DESI1: variants seen among roughly 807,000 people sequenced by gnomAD.
The protein encoded by DESI1 is PPPDE peptidase domain containing 2.
Under a neutral mutation model 22.4 loss-of-function variants are expected in DESI1, and 17 were observed. That is an observed-to-expected ratio of 0.76 (90% confidence interval 0.52 to 1.14). DESI1 has a LOEUF of 1.14. DESI1 is among the 50% of genes most tolerant of loss of function. The pLI is 0.00. For synonymous variants in DESI1, 92 were observed against 84.2 expected, an observed-to-expected ratio of 1.09 and a Z score of -0.51; for missense variants, 177 against 208.9, an observed-to-expected ratio of 0.85 and a Z score of 0.94.
intron 5 of DESI1, chr22:41,602,990 T>C: frequency 1.7e-6 from 1 of 586,080 alleles, no homozygotes; most frequent in Non-Finnish European, 2.7e-6. Context: ...GCCAGAATTT[T>C]GTGCAAGTAC....
At chr22:41,620,625 G>A (rs1226321296) in intron 1 of DESI1, 127 bp downstream of exon 1, 2 of 917,242 alleles carry the variant, frequency 2.2e-6, no homozygotes, top group African/African-American at 3.4e-5. Flanking sequence ...TCTCCACTCG[G>A]CTTTTCTTCC....
chr22:41,604,569 A>T (rs1427726478), intron 3 of DESI1, among the ~76,000 whole-genome samples: 1 of 151,986 alleles, frequency 6.6e-6, no homozygotes, highest in Admixed American at 6.6e-5. Context: ...TAACTTGCAG[A>T]GCACCCTGGG....
chr22:41,610,639 G>A (rs2067511234), intron 1 of DESI1, among the ~76,000 whole-genome samples: 1 of 151,954 alleles, frequency 6.6e-6, no homozygotes, highest in Non-Finnish European at 1.5e-5. Flanking sequence ...CAAGTGGGCC[G>A]GGCGTGGTGG....
chr22:41,619,745 G>C (rs1284253026), intron 1 of DESI1, among the ~76,000 whole-genome samples: 1 of 152,170 alleles, frequency 6.6e-6, no homozygotes, highest in Admixed American at 6.6e-5. Flanking sequence ...CTCAAAAGTA[G>C]CCTCCCTTAC....
At chr22:41,607,910 C>T (rs1454361684) in intron 1 of DESI1, 49 bp from the exon 2 acceptor site, 2 of 1,608,096 alleles carry the variant, frequency 1.2e-6, no homozygotes, top group Middle Eastern at 1.7e-4. Context: ...AATAAGTGGC[C>T]CCTCAGCCTT....
At chr22:41,611,591 C>CTTTTTTTTTTTTT (rs132764) in intron 1 of DESI1, among the ~76,000 whole-genome samples, 1 of 103,902 alleles carries the variant, frequency 9.6e-6, no homozygotes, top group African/African-American at 3.7e-5. Context: ...CCTGTTCCTT[C>CTTTTTTTTTTTTT]TTTTTTTTTT....
intron 1 of DESI1, among the ~76,000 whole-genome samples, chr22:41,608,766 C>G (rs1219652613): frequency 6.6e-6 from 1 of 151,998 alleles, no homozygotes; most frequent in East Asian, 1.9e-4. Context: ...GAGAGCAGAC[C>G]AAGCAGACCA....
rs1212741693 is a variant in DESI1 at position 41,599,323 on chromosome 22, G to A, written c.*1774C>T. 1.3e-5 allele frequency: 2 copies of A among 152,118 alleles called. No individual in the cohort carries two copies. The highest frequency in any genetic ancestry group is 2.9e-5 in the Non-Finnish European group (2 of 68,024). 9.4% of individuals were successfully genotyped at this position (152,118 alleles called of 1,614,324 possible). On this transcript the variant is annotated 3_prime_UTR_variant, in exon 6 of 6. Coordinates refer to ENST00000263256, the MANE Select transcript of DESI1 (RefSeq NM_015704.3). ...TCACTTTCCCAAAATCTAACTAATG[G>A]AGGTTCATGTGAAGAGAGGGAATCT...
chr22:41,606,526 C>T (rs967372900), intron 3 of DESI1, among the ~76,000 whole-genome samples: 2 of 152,046 alleles, frequency 1.3e-5, no homozygotes, highest in African/African-American at 2.4e-5. Flanking sequence ...GTAATCCCAG[C>T]ACTTTGGGAG....
chr22:41,602,087 G>T, intron 5 of DESI1: 2 of 524,126 alleles, frequency 3.8e-6, no homozygotes, highest in African/African-American at 2.1e-5. Flanking sequence ...ACTGGAGTTT[G>T]GAGATTTTCC....
At chr22:41,607,396 T>C (rs1015716189) in intron 2 of DESI1, 65 bp from the exon 3 acceptor site, 9 of 1,475,954 alleles carry the variant, frequency 6.1e-6, no homozygotes, top group South Asian at 3.8e-5. Flanking sequence ...GCAAACACCA[T>C]AATGCAATGA....
chr22:41,600,314 A>G lies in DESI1; in HGVS notation c.*783T>C, dbSNP rs1196676099. ...AAATAACCTACATCATTACTTGCAG[A>G]AAAAAGGCCTTGGCTTCTACTGCTC... On this transcript the variant is annotated 3_prime_UTR_variant, in exon 6 of 6. Transcript: ENST00000263256. The G allele has an allele frequency of 6.6e-6, 1 of 152,280 alleles. No homozygotes were observed. Among genetic ancestry groups the G allele is most frequent in the African/African-American group, 2.4e-5 (1 of 41,464 alleles). 9.4% of individuals were successfully genotyped at this position (152,280 alleles called of 1,614,324 possible). A position where few individuals can be genotyped will look rare whatever the true frequency, so the allele number is the denominator to read the frequency against.
At chr22:41,603,901 T>G (rs2067463540) in intron 4 of DESI1, 143 bp downstream of exon 4, 1 of 672,720 alleles carries the variant, frequency 1.5e-6, no homozygotes, top group Non-Finnish European at 2.4e-6. Context: ...CATAACTGCC[T>G]TTTCTTCATG....
intron 4 of DESI1, 84 bp from the exon 5 acceptor site, chr22:41,603,465 T>G: frequency 6.3e-7 from 1 of 1,590,420 alleles, no homozygotes; most frequent in Non-Finnish European, 8.6e-7. Context: ...AGTGGAATGG[T>G]GAGCACAGCT....
At chr22:41,611,650 T>C (rs2067518195) in intron 1 of DESI1, among the ~76,000 whole-genome samples, 1 of 150,276 alleles carries the variant, frequency 6.7e-6, no homozygotes, top group Non-Finnish European at 1.5e-5. Context: ...TGGAGTACGA[T>C]GGTGTGATCT....
At chr22:41,613,864 T>G (rs562383256) in intron 1 of DESI1, among the ~76,000 whole-genome samples, 4 of 152,288 alleles carry the variant, frequency 2.6e-5, no homozygotes, top group Admixed American at 2.6e-4. Flanking sequence ...ACTCAAAAGT[T>G]GCAGGATACA....
rs189809668 is a variant in DESI1 at position 41,599,452 on chromosome 22, A to G, written c.*1645T>C. The G allele has an allele frequency of 2.0e-5, 3 of 152,348 alleles. No homozygotes were observed. The highest frequency in any genetic ancestry group is 2.1e-4 in the South Asian group (1 of 4,834). The allele number at this position is 152,348 out of a possible 1,614,324, so 9.4% of individuals were successfully genotyped here. A position where few individuals can be genotyped will look rare whatever the true frequency, so the allele number is the denominator to read the frequency against. On this transcript the variant is annotated 3_prime_UTR_variant, in exon 6 of 6. Transcript: ENST00000263256. ...CACTCATGCCCCAACCTGCCTTTCT[A>G]AAGTCAGAATGACAATGGAAATAAC...
At chr22:41,614,601 T>TTTTTTTTTTG (rs2067538523) in intron 1 of DESI1, among the ~76,000 whole-genome samples, 1 of 145,020 alleles carries the variant, frequency 6.9e-6, no homozygotes, top group African/African-American at 2.6e-5. Context: ...TTTTTTTTTT[T>TTTTTTTTTTG]TGAGATGGAG....
intron 1 of DESI1, among the ~76,000 whole-genome samples, chr22:41,616,431 T>C (rs2067550727): frequency 6.6e-6 from 1 of 152,068 alleles, no homozygotes; most frequent in Non-Finnish European, 1.5e-5. Context: ...AGTTTTGAAA[T>C]GGGCTTGTAA....
Sources: allele counts gnomAD v4.1 joint callset (sites outside exome capture counted in the v4.1 genomes callset), GRCh38; gene constraint gnomAD v4.1.1; transcripts MANE v1.5; gene names NCBI Gene and HGNC (gene_info 2026-07-23, HGNC 2026-07-21).